SEMA4D: variants seen among roughly 807,000 people sequenced by gnomAD.
SEMA4D encodes the protein semaphorin-4D.
A neutral mutation model predicts 74.8 loss-of-function variants in SEMA4D; 22 were observed. The observed-to-expected ratio is 0.29, with a 90% confidence interval of 0.21 to 0.42. SEMA4D has a LOEUF of 0.42. SEMA4D is among the 10% of genes least tolerant of loss of function. SEMA4D has a pLI of 1.00. For missense variants in SEMA4D, 937 were observed against 1,118.4 expected, an observed-to-expected ratio of 0.84 and a Z score of 2.31; for synonymous variants, 445 against 463.7, an observed-to-expected ratio of 0.96 and a Z score of 0.52.
intron 2 of SEMA4D, among the ~76,000 whole-genome samples, chr9:89,446,778 G>A (rs540311638): frequency 6.0e-4 from 92 of 152,236 alleles, no homozygotes; most frequent in African/African-American, 1.8e-3. Context: ...GCACACTGGC[G>A]GGGGAGGACA....
intron 1 of SEMA4D, among the ~76,000 whole-genome samples, chr9:89,468,038 T>C (rs1859206441): frequency 6.6e-6 from 1 of 152,162 alleles, no homozygotes; most frequent in South Asian, 2.1e-4. Flanking sequence ...GAGAATCATT[T>C]GCGAGAAGAC....
chr9:89,421,436 A>G (rs1227811678), intron 2 of SEMA4D, among the ~76,000 whole-genome samples: 1 of 152,236 alleles, frequency 6.6e-6, no homozygotes, highest in Non-Finnish European at 1.5e-5. Flanking sequence ...CCTGCTGGGC[A>G]ACACCTGCCA....
intron 3 of SEMA4D, among the ~76,000 whole-genome samples, chr9:89,403,298 C>T (rs1842596653): frequency 6.6e-6 from 1 of 152,164 alleles, no homozygotes; most frequent in African/African-American, 2.4e-5. Context: ...AGCTGTGAGT[C>T]GGACATCCCT....
chr9:89,459,496 A>G (rs1008131100), intron 1 of SEMA4D, among the ~76,000 whole-genome samples: 3 of 152,210 alleles, frequency 2.0e-5, no homozygotes, highest in Non-Finnish European at 2.9e-5. Context: ...TGATAAGGCA[A>G]GAGCATGTCA....
intron 2 of SEMA4D, among the ~76,000 whole-genome samples, chr9:89,430,660 TAA>T (rs995646854): frequency 1.3e-5 from 2 of 152,174 alleles, no homozygotes; most frequent in Non-Finnish European, 2.9e-5. Context: ...GCCTTATCAG[TAA>T]AAATCTGTCA....
chr9:89,446,060 A>C (rs1287004938), intron 2 of SEMA4D, among the ~76,000 whole-genome samples: 1 of 152,018 alleles, frequency 6.6e-6, no homozygotes, highest in Non-Finnish European at 1.5e-5. Context: ...AGCTTTCCTT[A>C]GTCTACCGAT....
chr9:89,411,984 T>A (rs994829915), intron 2 of SEMA4D, among the ~76,000 whole-genome samples: 20 of 152,152 alleles, frequency 1.3e-4, no homozygotes, highest in African/African-American at 4.8e-4. Context: ...CCTTGCAGCC[T>A]TGGCACTTGC....
intron 2 of SEMA4D, among the ~76,000 whole-genome samples, chr9:89,415,819 G>A (rs1308072398): frequency 4.6e-5 from 7 of 152,138 alleles, no homozygotes; most frequent in South Asian, 2.1e-4. Flanking sequence ...GCTCAGCACC[G>A]GACAGAACCC....
chr9:89,495,790 T>A (rs73653412), intron 1 of SEMA4D, among the ~76,000 whole-genome samples: 1,982 of 152,060 alleles, frequency 0.013, 49 homozygotes, highest in African/African-American at 0.045. Context: ...ACCACCCTCC[T>A]GGACCCGCCC....
rs139905647 is a variant in SEMA4D at position 89,413,229 on chromosome 9, A to T, written c.-243-7530T>A. 2.6e-5 allele frequency among the ~76,000 whole-genome samples: 4 copies of T among 152,340 alleles called. 1 individual carries two copies. The East Asian group carries it at 7.7e-4, about 29-fold the overall frequency. On this transcript the variant is annotated intron_variant, in intron 2 of 15. Coordinates refer to ENST00000422704, the MANE Select transcript of SEMA4D (RefSeq NM_001371194.2). ...TACTTACACGTAATTGGGGCTGTTC[A>T]TGAGGGTGCACGAGCCCACTTTAAA... is the stretch of plus-strand genomic sequence containing the variant.
At chr9:89,410,826 A>C (rs1295078972) in intron 2 of SEMA4D, among the ~76,000 whole-genome samples, 1 of 152,156 alleles carries the variant, frequency 6.6e-6, no homozygotes, top group Non-Finnish European at 1.5e-5. Flanking sequence ...CAAAGAAATT[A>C]CCTCTGAGTG....
chr9:89,386,541 T>C, intron 12 of SEMA4D, 59 bp from the exon 13 acceptor site: 3 of 1,146,478 alleles, frequency 2.6e-6, no homozygotes, highest in Non-Finnish European at 2.6e-6. Context: ...CCAAGGACAG[T>C]GACCACAGCG....
downstream of SEMA4D, among the ~76,000 whole-genome samples, chr9:89,374,466 G>A (rs921714917): frequency 3.3e-5 from 5 of 152,212 alleles, no homozygotes; most frequent in Non-Finnish European, 7.3e-5. Flanking sequence ...CAGATCACAC[G>A]GCCACAGCCT....
chr9:89,431,959 C>T (rs1464823886), intron 2 of SEMA4D, among the ~76,000 whole-genome samples: 1 of 152,214 alleles, frequency 6.6e-6, no homozygotes, highest in East Asian at 1.9e-4. Flanking sequence ...TTCATCTATG[C>T]TATCCTCATC....
intron 16 of SEMA4D, chr9:89,369,492 A>G (rs1483504035): frequency 6.6e-6 from 1 of 152,272 alleles, no homozygotes; most frequent in East Asian, 1.9e-4. Context: ...GACAGGGTAA[A>G]GACTGCACTT....
intron 1 of SEMA4D, among the ~76,000 whole-genome samples, chr9:89,469,660 C>G (rs1859679641): frequency 6.6e-6 from 1 of 152,148 alleles, no homozygotes; most frequent in African/African-American, 2.4e-5. Flanking sequence ...GAAGAAAAAG[C>G]ACACAGGCAT....
chr9:89,376,286 A>G (rs1054941590), downstream of SEMA4D: 2 of 152,244 alleles, frequency 1.3e-5, no homozygotes, highest in African/African-American at 2.4e-5. Flanking sequence ...GGATGGCTTA[A>G]GCCCAGGAGG....
chr9:89,410,674 A>G (rs1587681312), intron 2 of SEMA4D, among the ~76,000 whole-genome samples: 1 of 152,356 alleles, frequency 6.6e-6, no homozygotes, highest in South Asian at 2.1e-4. Context: ...AGCAGTAATA[A>G]AAAGAAAATA....
chr9:89,463,653 G>C (rs1050761064), intron 1 of SEMA4D, among the ~76,000 whole-genome samples: 1 of 152,166 alleles, frequency 6.6e-6, no homozygotes, highest in South Asian at 2.1e-4. Context: ...ACCAAATGGT[G>C]GGCCGGGCAT....
Sources: allele counts gnomAD v4.1 joint callset (sites outside exome capture counted in the v4.1 genomes callset), GRCh38; gene constraint gnomAD v4.1.1; transcripts MANE v1.5; gene names NCBI Gene and HGNC (gene_info 2026-07-23, HGNC 2026-07-21).